Variants in NEK10 observed in about 807,000 individuals in gnomAD.
The protein encoded by NEK10 is serine/threonine-protein kinase Nek10.
In NEK10, 122 loss-of-function variants were observed where a neutral mutation model predicts 159.8. The observed-to-expected ratio is 0.76, with a 90% confidence interval of 0.66 to 0.89. NEK10 has a LOEUF of 0.89. NEK10 is among the 40% of genes least tolerant of loss of function. The pLI, the probability that NEK10 is intolerant of heterozygous loss-of-function variation, is 0.00. For missense variants in NEK10, 1,342 were observed against 1,323.1 expected (o/e 1.01, Z -0.22); for synonymous variants, 466 against 457.1 (o/e 1.02, Z -0.25).
intron 35 of NEK10, among the ~76,000 whole-genome samples, chr3:27,114,894 A>G (rs1940161150): frequency 6.6e-6 from 1 of 152,186 alleles, no homozygotes; most frequent in African/African-American, 2.4e-5. Flanking sequence ...GTAAGTCAAC[A>G]GACAACTCTT....
chr3:27,119,069 A>G (rs1190539700), intron 33 of NEK10, among the ~76,000 whole-genome samples: 1 of 152,232 alleles, frequency 6.6e-6, no homozygotes, highest in African/African-American at 2.4e-5. Context: ...GCTTCCTCTT[A>G]GAATTCAGAT....
chr3:27,324,277 C>T (rs1000649255), intron 5 of NEK10, among the ~76,000 whole-genome samples: 2 of 152,188 alleles, frequency 1.3e-5, no homozygotes, highest in Non-Finnish European at 1.5e-5. Context: ...GGCCATAGAA[C>T]GTGCACAATG....
chr3:27,129,979 C>T (rs932660443), intron 32 of NEK10, among the ~76,000 whole-genome samples: 3 of 151,914 alleles, frequency 2.0e-5, no homozygotes, highest in South Asian at 4.2e-4. Flanking sequence ...TTCTTTAGCA[C>T]CCAGGAGGCC....
At chr3:27,146,977 T>C (rs924184742) in intron 30 of NEK10, among the ~76,000 whole-genome samples, 2 of 152,182 alleles carry the variant, frequency 1.3e-5, no homozygotes, top group Non-Finnish European at 2.9e-5. Context: ...CCAGGGACCA[T>C]ACACGATGGT....
chr3:27,228,888 T>C (rs1158485312), intron 23 of NEK10, among the ~76,000 whole-genome samples: 2 of 151,956 alleles, frequency 1.3e-5, no homozygotes, highest in Non-Finnish European at 2.9e-5. Flanking sequence ...CTCCCACCCT[T>C]CTCCCTGATA....
chr3:27,126,023 G>T (rs1200873837), intron 32 of NEK10, among the ~76,000 whole-genome samples: 1 of 152,114 alleles, frequency 6.6e-6, no homozygotes, highest in Non-Finnish European at 1.5e-5. Flanking sequence ...TTGCTGCTGG[G>T]CACTGCTGAT....
At chr3:27,348,255 A>C (rs1190670133) in intron 3 of NEK10, among the ~76,000 whole-genome samples, 1 of 152,144 alleles carries the variant, frequency 6.6e-6, no homozygotes, top group Non-Finnish European at 1.5e-5. Flanking sequence ...CAACTCCTAG[A>C]AAAGTTTGCA....
At chr3:27,112,009 T>G (rs1226296816) in intron 35 of NEK10, among the ~76,000 whole-genome samples, 1 of 152,190 alleles carries the variant, frequency 6.6e-6, no homozygotes, top group Non-Finnish European at 1.5e-5. Context: ...CTTTCTTCCT[T>G]CCAACTCAGT....
chr3:27,319,505 C>G (rs2045464315), intron 6 of NEK10, among the ~76,000 whole-genome samples: 1 of 152,150 alleles, frequency 6.6e-6, no homozygotes, highest in Admixed American at 6.5e-5. Context: ...CAGAGAGAAC[C>G]TTGTACATAG....
At chr3:27,355,831 T>G (rs1318726788) in intron 1 of NEK10, among the ~76,000 whole-genome samples, 1 of 152,126 alleles carries the variant, frequency 6.6e-6, no homozygotes. Context: ...CCCCTCTCCC[T>G]CTTGCTTCCT....
At chr3:27,183,035 C>G (rs1948275574) in intron 26 of NEK10, among the ~76,000 whole-genome samples, 1 of 151,754 alleles carries the variant, frequency 6.6e-6, no homozygotes, top group African/African-American at 2.4e-5. Flanking sequence ...CTATAGCTAA[C>G]AATAATTTAT....
At chr3:27,289,541 G>T (rs2042852871) in intron 19 of NEK10, among the ~76,000 whole-genome samples, 1 of 152,176 alleles carries the variant, frequency 6.6e-6, no homozygotes, top group South Asian at 2.1e-4. Context: ...GCATCAACTA[G>T]CAAGTGGCCA....
At chr3:27,182,303 G>A (rs1264458386) in intron 26 of NEK10, among the ~76,000 whole-genome samples, 3 of 152,054 alleles carry the variant, frequency 2.0e-5, no homozygotes, top group Non-Finnish European at 4.4e-5. Flanking sequence ...ATTCCACAAT[G>A]TATATATATT....
chr3:27,366,020 C>CT (rs1006305744), intron 1 of NEK10, among the ~76,000 whole-genome samples: 4 of 152,142 alleles, frequency 2.6e-5, no homozygotes, highest in African/African-American at 9.7e-5. Flanking sequence ...GCCATACACC[C>CT]TGTCCACAAG....
At position 27,108,378 on chromosome 3, in the gene NEK10, A is replaced by G. The variant is rs1270534375; in HGVS notation, c.*2894T>C. 6.6e-6 allele frequency among the ~76,000 whole-genome samples: 1 copy of G among 152,250 alleles called. No homozygotes were observed. Among genetic ancestry groups the G allele is most frequent in the Non-Finnish European group, 1.5e-5 (1 of 68,050 alleles). ...TTGAAGACTACATGCCTGGAGGAAG[A>G]TAAAGTTAACAAGCAAGCAAATATT... On this transcript the variant is annotated 3_prime_UTR_variant, in exon 36 of 36. Coordinates refer to ENST00000691995, the MANE Select transcript of NEK10 (RefSeq NM_001394966.1).
intron 23 of NEK10, among the ~76,000 whole-genome samples, chr3:27,217,008 T>C (rs1319407332): frequency 6.6e-6 from 1 of 152,026 alleles, no homozygotes; most frequent in African/African-American, 2.4e-5. Context: ...ACCAAAAACT[T>C]TGAAATAAAA....
chr3:27,293,620 G>T lies in NEK10; in HGVS notation c.1341C>A (p.Phe447Leu), dbSNP rs755982606. 9 of 1,579,396 alleles carry T rather than the reference G, an allele frequency of 5.7e-6. No individual in the cohort carries two copies. The South Asian group carries it at 9.0e-5, about 16-fold the overall frequency. Reference protein sequence around the residue: ...CYAFRALRFLFSMERNRPLFK... With the variant: ...CYAFRALRFLLSMERNRPLFK... Reference sequence around the variant, plus strand: ...AGAGTGGTCTGTTTCTTTCCATACTGAAGAGAAATCTCAAGGCTCTGAAAG... The same window carrying T: ...AGAGTGGTCTGTTTCTTTCCATACTTAAGAGAAATCTCAAGGCTCTGAAAG... The change falls in exon 16 of 36, where the codon TTC becomes TTA. Residue 447 changes from phenylalanine (F) to leucine (L), a missense_variant. Coordinates refer to ENST00000691995, the MANE Select transcript of NEK10 (RefSeq NM_001394966.1).
chr3:27,187,397 G>C (rs754662436), intron 26 of NEK10, among the ~76,000 whole-genome samples: 7 of 152,014 alleles, frequency 4.6e-5, no homozygotes, highest in Non-Finnish European at 8.8e-5. Context: ...GCACAAACAG[G>C]GGTTCAAAAC....
intron 22 of NEK10, among the ~76,000 whole-genome samples, chr3:27,280,912 GGTGTGTGTGT>G (rs148929788): frequency 1.5e-5 from 2 of 137,600 alleles, no homozygotes; most frequent in African/African-American, 2.5e-5. Flanking sequence ...ATGTACATAT[GGTGTGTGTGT>G]GTGTGTGTGT....
Sources: allele counts gnomAD v4.1 joint callset (sites outside exome capture counted in the v4.1 genomes callset), GRCh38; gene constraint gnomAD v4.1.1; transcripts MANE v1.5; gene names NCBI Gene and HGNC (gene_info 2026-07-23, HGNC 2026-07-21).